Variants in KCNT2 observed in about 807,000 individuals in gnomAD.
The protein encoded by KCNT2 is potassium sodium-activated channel subfamily T member 2, also known as potassium channel subfamily T member 2.
Under a neutral mutation model 153.8 loss-of-function variants are expected in KCNT2, and 67 were observed. That is an observed-to-expected ratio of 0.44 (90% confidence interval 0.36 to 0.53). The LOEUF is 0.53. Ranked by LOEUF, KCNT2 falls within the 20% of genes least tolerant of loss-of-function variation. The probability of loss-of-function intolerance (pLI) is 0.00; values close to 1 mark genes in which losing one functional copy is unlikely to be tolerated. For missense variants in KCNT2, 975 were observed against 1,354.8 expected, an observed-to-expected ratio of 0.72 and a Z score of 4.40; for synonymous variants, 500 against 458.8, an observed-to-expected ratio of 1.09 and a Z score of -1.15.
rs1156914059 is a variant in KCNT2, at chr1:196,333,891, T to C, written c.1953A>G (p.Ser651=). ...CTTCATCTGGTGTAGTTTCATCTTC[T>C]GATTGGTCACTTAGAAGATCACATG... ...IQTCDLLSDQ[S]EDETTPDEEM... is the part of the protein sequence containing the mutation. The change falls in exon 17 of 28, where the codon TCA becomes TCG. Residue 651 remains serine (S), a synonymous_variant. Transcript: ENST00000294725. 1.9e-6 allele frequency: 3 copies of C among 1,612,900 alleles called. No homozygotes were observed. In the Admixed American group the frequency reaches 5.0e-5, roughly 27 times the overall value.
At position 196,389,040 on chromosome 1, in the gene KCNT2, T is replaced by A. The variant is rs560504577; in HGVS notation, c.1294+9523A>T. On this transcript the variant is annotated intron_variant, in intron 13 of 27. Coordinates refer to ENST00000294725, the MANE Select transcript of KCNT2 (RefSeq NM_198503.5). Reference sequence around the variant, plus strand: ...CTTCTATTTCCAGTATGCACAAATTTTTGTTAAAAACATTACTGATTTTTA... The same window carrying A: ...CTTCTATTTCCAGTATGCACAAATTATTGTTAAAAACATTACTGATTTTTA... 2.7e-4 allele frequency among the ~76,000 whole-genome samples: 41 copies of A among 151,852 alleles called. No homozygotes were observed. In the South Asian group the frequency reaches 7.5e-3, roughly 28 times the overall value.
chr1:196,385,584 A>C (rs1422370134), intron 13 of KCNT2, among the ~76,000 whole-genome samples: 1 of 152,148 alleles, frequency 6.6e-6, no homozygotes, highest in Non-Finnish European at 1.5e-5. Flanking sequence ...AATTTTATAT[A>C]CAAATGCAAA....
intron 1 of KCNT2, among the ~76,000 whole-genome samples, chr1:196,571,025 G>A (rs1278213172): frequency 6.6e-6 from 1 of 151,972 alleles, no homozygotes; most frequent in African/African-American, 2.4e-5. Context: ...ACCTATATTA[G>A]TTCATCTTCC....
chr1:196,423,125 TG>T lies in KCNT2; in HGVS notation c.1122-13del. ...CAGCGTCATCCATCCTAAATACAGA[TG>T]GAAAAACAAAATAATCACACACTGA... On this transcript the variant is annotated splice_polypyrimidine_tract_variant and intron_variant, in intron 11 of 27. Transcript: ENST00000294725. The T allele has an allele frequency of 1.3e-6, 2 of 1,571,344 alleles. No homozygotes were observed. The highest frequency in any genetic ancestry group is 1.7e-6 in the Non-Finnish European group (2 of 1,151,650).
intron 1 of KCNT2, among the ~76,000 whole-genome samples, chr1:196,532,975 G>A (rs141892772): frequency 2.2e-4 from 34 of 152,080 alleles, no homozygotes; most frequent in African/African-American, 8.0e-4. Flanking sequence ...AAGAAAAGCA[G>A]CAGCAATTCA....
chr1:196,571,516 T>C (rs1020703034), intron 1 of KCNT2, among the ~76,000 whole-genome samples: 20 of 152,254 alleles, frequency 1.3e-4, no homozygotes, highest in African/African-American at 4.1e-4. Context: ...AGTTAGTTTG[T>C]CAATACAAGT....
intron 19 of KCNT2, among the ~76,000 whole-genome samples, chr1:196,320,384 TAA>T (rs1663173689): frequency 1.3e-5 from 2 of 151,854 alleles, no homozygotes; most frequent in African/African-American, 4.8e-5. Flanking sequence ...TTGTAAGAAA[TAA>T]AGAGTTTTAA....
chr1:196,253,358 A>C (rs1656161385), intron 26 of KCNT2, among the ~76,000 whole-genome samples: 10 of 151,402 alleles, frequency 6.6e-5, no homozygotes, highest in Admixed American at 6.6e-4. Flanking sequence ...TCCAGTATTT[A>C]ACTTGGAATA....
At chr1:196,267,624 G>A (rs182577081) in intron 25 of KCNT2, among the ~76,000 whole-genome samples, 34 of 152,218 alleles carry the variant, frequency 2.2e-4, no homozygotes, top group African/African-American at 6.3e-4. Context: ...AGTGGTGCTC[G>A]TGGGCTTCTG....
intron 13 of KCNT2, among the ~76,000 whole-genome samples, chr1:196,398,096 C>G (rs1213070152): frequency 6.6e-6 from 1 of 151,414 alleles, no homozygotes. Context: ...TTTTCAAAGT[C>G]TATTCCCTAA....
At chr1:196,282,930 C>T (rs1056832070) in intron 23 of KCNT2, among the ~76,000 whole-genome samples, 10 of 152,236 alleles carry the variant, frequency 6.6e-5, no homozygotes, top group East Asian at 3.9e-4. Context: ...CTGCAGCCTC[C>T]GCCTCCCGGG....
At chr1:196,349,901 C>A (rs928345820) in intron 14 of KCNT2, among the ~76,000 whole-genome samples, 1 of 151,900 alleles carries the variant, frequency 6.6e-6, no homozygotes, top group African/African-American at 2.4e-5. Context: ...TGTTCCCCTT[C>A]CTGTGTCCAT....
At chr1:196,285,956 C>T (rs1490821351) in intron 22 of KCNT2, among the ~76,000 whole-genome samples, 198 bp from the exon 23 acceptor site, 1 of 151,804 alleles carries the variant, frequency 6.6e-6, no homozygotes, top group Non-Finnish European at 1.5e-5. Flanking sequence ...GTTAAAACAC[C>T]CAATAGTGAA....
At chr1:196,573,478 G>T (rs1409450242) in intron 1 of KCNT2, among the ~76,000 whole-genome samples, 1 of 151,900 alleles carries the variant, frequency 6.6e-6, no homozygotes, top group Non-Finnish European at 1.5e-5. Context: ...TTCTAATCAC[G>T]CCAGGAGAAA....
chr1:196,405,955 A>G (rs1340932768), intron 12 of KCNT2, among the ~76,000 whole-genome samples: 1 of 151,578 alleles, frequency 6.6e-6, no homozygotes, highest in Non-Finnish European at 1.5e-5. Flanking sequence ...TCTGGAGAAC[A>G]AACCTGTCTT....
chr1:196,246,254 A>G (rs556614329), intron 26 of KCNT2, among the ~76,000 whole-genome samples: 1 of 152,274 alleles, frequency 6.6e-6, no homozygotes, highest in East Asian at 1.9e-4. Context: ...GTATCCTTTT[A>G]TCCTTGTGTT....
intron 26 of KCNT2, among the ~76,000 whole-genome samples, chr1:196,242,006 G>T (rs940953299): frequency 1.3e-5 from 2 of 152,040 alleles, no homozygotes; most frequent in African/African-American, 4.8e-5. Context: ...TTTCTTCAAT[G>T]GTGCAAAGTC....
At chr1:196,365,088 T>C (rs1667930556) in intron 14 of KCNT2, among the ~76,000 whole-genome samples, 1 of 152,082 alleles carries the variant, frequency 6.6e-6, no homozygotes, top group African/African-American at 2.4e-5. Flanking sequence ...ACCTTCTCTT[T>C]CTTTGGTCTC....
At chr1:196,288,163 C>T (rs1006200387) in intron 22 of KCNT2, among the ~76,000 whole-genome samples, 6 of 116,512 alleles carry the variant, frequency 5.1e-5, no homozygotes, top group Non-Finnish European at 8.5e-5. Flanking sequence ...AAATAAAACG[C>T]TTGAGAGACT....
Sources: gnomAD v4.1 joint callset for allele counts (sites outside exome capture counted in the v4.1 genomes callset) on GRCh38, gnomAD v4.1.1 for gene constraint, MANE v1.5 for transcripts, NCBI Gene and HGNC (gene_info 2026-07-23, HGNC 2026-07-21) for gene names.